The following EPB41L4A variants were observed in gnomAD, a reference collection of about 807,000 sequenced individuals.
The protein encoded by EPB41L4A is band 4.1-like protein 4A.
EPB41L4A carries 100 observed loss-of-function variants against 108.6 expected under a neutral mutation model. The ratio of observed to expected loss-of-function variants is 0.92; its 90% confidence interval spans 0.78 to 1.09. EPB41L4A has a LOEUF of 1.09. Among genes scored for constraint, EPB41L4A ranks in the 50% least tolerant of loss-of-function variants. EPB41L4A has a pLI of 0.00. For synonymous variants in EPB41L4A, 319 were observed against 289.0 expected, an observed-to-expected ratio of 1.10 and a Z score of -1.05; for missense variants, 1,030 against 842.7, an observed-to-expected ratio of 1.22 and a Z score of -2.75.
At chr5:112,399,450 G>T (rs986468000) in intron 1 of EPB41L4A, among the ~76,000 whole-genome samples, 2 of 152,210 alleles carry the variant, frequency 1.3e-5, no homozygotes, top group Non-Finnish European at 2.9e-5. Context: ...CGGCTTCATG[G>T]CTGCATCCAG....
Position 112,207,368 on chromosome 5 carries a change from T to C in EPB41L4A, c.1179-1864A>G, listed in dbSNP as rs1282141364. Among the ~76,000 whole-genome samples, 6 of 152,340 alleles carry C rather than the reference T, an allele frequency of 3.9e-5. No individual in the cohort carries two copies. The East Asian group carries it at 1.2e-3, about 29-fold the overall frequency. On this transcript the variant is annotated intron_variant, in intron 13 of 22. Coordinates refer to ENST00000261486, the MANE Select transcript of EPB41L4A (RefSeq NM_022140.5). Reference sequence around the variant, plus strand: ...GGAAATATCATTCTGGACATCAGCCTTGGTGAAGAATTTATAACTAAGTCC... The same window carrying C: ...GGAAATATCATTCTGGACATCAGCCCTGGTGAAGAATTTATAACTAAGTCC...
chr5:112,170,393 T>G lies in EPB41L4A; in HGVS notation c.1671-24A>C, dbSNP rs1013471903. 17 of 1,465,978 alleles carry G rather than the reference T, an allele frequency of 1.2e-5. No homozygotes were observed. The East Asian group carries it at 3.8e-4, about 33-fold the overall frequency. 90.8% of individuals were successfully genotyped at this position (1,465,978 alleles called of 1,614,324 possible). A position where few individuals can be genotyped will look rare whatever the true frequency, so the allele number is the denominator to read the frequency against. ...TTCTGTAAAGGAATATGCAAGAAAATGATAGTTGTGGTGCTGGTATAAATG... is the reference window on the plus strand; with the variant it reads ...TTCTGTAAAGGAATATGCAAGAAAAGGATAGTTGTGGTGCTGGTATAAATG... On this transcript the variant is annotated intron_variant, in intron 19 of 22. Transcript: ENST00000261486.
intron 4 of EPB41L4A, among the ~76,000 whole-genome samples, chr5:112,266,711 C>G (rs1580567174): frequency 1.3e-5 from 2 of 152,214 alleles, no homozygotes; most frequent in African/African-American, 4.8e-5. Flanking sequence ...CTCTTTTAAG[C>G]TATCATTACT....
At chr5:112,194,681 C>G (rs1389005762) in intron 16 of EPB41L4A, 36 bp from the exon 17 acceptor site, 1 of 1,467,940 alleles carries the variant, frequency 6.8e-7, no homozygotes, top group African/African-American at 1.4e-5. Flanking sequence ...AGAAAAAACA[C>G]ACATTTATAA....
At chr5:112,144,190 A>C (rs1040527573) in intron 13 of EPB41L4A, among the ~76,000 whole-genome samples, 16 of 152,216 alleles carry the variant, frequency 1.1e-4, no homozygotes, top group Non-Finnish European at 2.4e-4. Context: ...TTTTAAGGAA[A>C]AGCATTTTAT....
At chr5:112,339,736 A>C (rs928004113) in intron 1 of EPB41L4A, among the ~76,000 whole-genome samples, 1 of 151,710 alleles carries the variant, frequency 6.6e-6, no homozygotes, top group African/African-American at 2.4e-5. Context: ...CGGTTTCACC[A>C]TGTTGGCCAG....
rs1757159505 is a variant in EPB41L4A at position 112,339,519 on chromosome 5, G to GATATCTATAT, written c.100-32030_100-32029insATATAGATAT. On this transcript the variant is annotated intron_variant, in intron 1 of 22. Coordinates refer to ENST00000261486, the MANE Select transcript of EPB41L4A (RefSeq NM_022140.5). The stretch of plus-strand genomic sequence containing the variant: ...ATCTATATATATATATAGATATATA[G>GATATCTATAT]ATATATATCTATATATATATATATT... Among the ~76,000 whole-genome samples, 9 of 116,888 alleles carry GATATCTATAT rather than the reference G, an allele frequency of 7.7e-5. No homozygotes were observed. In the South Asian group the frequency reaches 2.2e-3, roughly 29 times the overall value. The allele number at this position is 116,888 out of a possible 152,430, so 76.7% of individuals were successfully genotyped here. A position where few individuals can be genotyped will look rare whatever the true frequency, so the allele number is the denominator to read the frequency against.
intron 1 of EPB41L4A, among the ~76,000 whole-genome samples, chr5:112,348,143 C>T (rs1757806747): frequency 6.6e-6 from 1 of 152,154 alleles, no homozygotes; most frequent in African/African-American, 2.4e-5. Context: ...TCACTCCCTC[C>T]ACCTGAATTG....
intron 12 of EPB41L4A, among the ~76,000 whole-genome samples, chr5:112,220,588 C>T (rs531578861): frequency 6.6e-6 from 1 of 152,254 alleles, no homozygotes; most frequent in African/African-American, 2.4e-5. Context: ...ATGAAAACTA[C>T]CTGTGCCCAA....
chr5:112,300,852 T>A (rs1754307378), intron 2 of EPB41L4A, among the ~76,000 whole-genome samples: 1 of 152,202 alleles, frequency 6.6e-6, no homozygotes, highest in Non-Finnish European at 1.5e-5. Context: ...TAATGCTTTT[T>A]TCTTAGTCTT....
At chr5:112,343,115 C>T (rs1476310318) in intron 1 of EPB41L4A, among the ~76,000 whole-genome samples, 1 of 152,160 alleles carries the variant, frequency 6.6e-6, no homozygotes, top group Admixed American at 6.5e-5. Context: ...GAGGTATACA[C>T]TTTCCATAAC....
At chr5:112,391,542 A>T in intron 1 of EPB41L4A, among the ~76,000 whole-genome samples, 1 of 152,228 alleles carries the variant, frequency 6.6e-6, no homozygotes, top group Non-Finnish European at 1.5e-5. Context: ...AAAAGAGTAA[A>T]AAGAAACGAA....
chr5:112,272,684 G>C (rs1752346277), intron 4 of EPB41L4A, among the ~76,000 whole-genome samples: 1 of 148,748 alleles, frequency 6.7e-6, no homozygotes, highest in African/African-American at 2.5e-5. Flanking sequence ...GGGAGGCTAA[G>C]GCAGGAGAAT....
chr5:112,395,160 A>C (rs1250632494), intron 1 of EPB41L4A, among the ~76,000 whole-genome samples: 1 of 152,228 alleles, frequency 6.6e-6, no homozygotes, highest in African/African-American at 2.4e-5. Context: ...AAACCTAGGC[A>C]ATACCATTCA....
chr5:112,380,245 A>T (rs373172204), intron 1 of EPB41L4A, among the ~76,000 whole-genome samples: 32 of 152,350 alleles, frequency 2.1e-4, no homozygotes, highest in African/African-American at 7.7e-4. Flanking sequence ...GAAGGAACTG[A>T]AAACAAGGAT....
chr5:112,395,760 A>G (rs1299952218), intron 1 of EPB41L4A, among the ~76,000 whole-genome samples: 1 of 152,206 alleles, frequency 6.6e-6, no homozygotes, highest in Non-Finnish European at 1.5e-5. Context: ...ATACCCAAAG[A>G]TTATAAATCA....
At chr5:112,193,792 C>T (rs532864452) in intron 17 of EPB41L4A, among the ~76,000 whole-genome samples, 1 of 152,204 alleles carries the variant, frequency 6.6e-6, no homozygotes, top group African/African-American at 2.4e-5. Flanking sequence ...CAGTTGCAAT[C>T]CCCCTATCCA....
intron 1 of EPB41L4A, among the ~76,000 whole-genome samples, chr5:112,384,863 A>T (rs1018819636): frequency 6.6e-6 from 1 of 152,194 alleles, no homozygotes; most frequent in African/African-American, 2.4e-5. Flanking sequence ...TGTTTTAGAG[A>T]CATAATTTTT....
chr5:112,367,910 A>T (rs1422893067), intron 1 of EPB41L4A, among the ~76,000 whole-genome samples: 1 of 151,122 alleles, frequency 6.6e-6, no homozygotes, highest in East Asian at 1.9e-4. Context: ...CTATAACCCA[A>T]AATTGAATCT....
Sources: allele counts gnomAD v4.1 joint callset (sites outside exome capture counted in the v4.1 genomes callset), GRCh38; gene constraint gnomAD v4.1.1; transcripts MANE v1.5; gene names NCBI Gene and HGNC (gene_info 2026-07-23, HGNC 2026-07-21).